The following FRMD5 variants were observed in gnomAD, a reference collection of about 807,000 sequenced individuals.
FRMD5 encodes the protein FERM domain containing 5, also known as FERM domain-containing protein 5.
A neutral mutation model predicts 69.0 loss-of-function variants in FRMD5; 20 were observed. The ratio of observed to expected loss-of-function variants is 0.29; its 90% CI spans 0.20 to 0.42. The LOEUF is 0.42. Ranked by LOEUF, FRMD5 falls within the 10% of genes least tolerant of loss-of-function variation. FRMD5 has a pLI of 1.00. For synonymous variants in FRMD5, 271 were observed against 260.1 expected, an observed-to-expected ratio of 1.04 and a Z score of -0.40; for missense variants, 595 against 708.6, an observed-to-expected ratio of 0.84 and a Z score of 1.82.
rs2078271489 is a variant in FRMD5, at chr15:44,195,234, C to G, written c.-180G>C. On this transcript the variant is annotated 5_prime_UTR_variant, in exon 1 of 14. Transcript: ENST00000417257. Reference sequence around the variant, plus strand: ...TTATCCTCCTCCTTCCCTCAGCCGCCACCGCCTCCCCCCAGCCCAGATCAA... The same window carrying G: ...TTATCCTCCTCCTTCCCTCAGCCGCGACCGCCTCCCCCCAGCCCAGATCAA... The G allele has an allele frequency of 1.8e-6, 1 of 544,356 alleles. No individual in the cohort carries two copies. The highest frequency in any genetic ancestry group is 3.7e-5 in the Admixed American group (1 of 27,266). 33.7% of individuals were successfully genotyped at this position (544,356 alleles called of 1,614,324 possible).
At chr15:44,022,780 GACACATGTGAAATGGA>G (rs1891267949) in intron 1 of FRMD5, among the ~76,000 whole-genome samples, 1 of 152,032 alleles carries the variant, frequency 6.6e-6, no homozygotes, top group Non-Finnish European at 1.5e-5. Context: ...CTTGCTCAGG[GACACATGTGAAATGGA>G]AGAGCCAGCC....
chr15:43,882,967 T>C (rs2088571219), intron 13 of FRMD5, among the ~76,000 whole-genome samples: 1 of 151,734 alleles, frequency 6.6e-6, no homozygotes, highest in Non-Finnish European at 1.5e-5. Flanking sequence ...GACCATGCCC[T>C]GCTAATTTTT....
At position 44,005,490 on chromosome 15, in the gene FRMD5, A is replaced by G. The variant is rs1052076121; in HGVS notation, c.103-81181T>C. Among the ~76,000 whole-genome samples the G allele has an allele frequency of 4.0e-5, 6 of 151,646 alleles. 1 individual carries two copies. The highest frequency in any genetic ancestry group is 1.9e-4 in the East Asian group (1 of 5,192). ...CCATCTCAAAAAAAAAAAAAAAAAA[A>G]AAAGAAAAAAGAAATATCTGAGAGT... On this transcript the variant is annotated intron_variant, in intron 1 of 13. Coordinates refer to ENST00000417257, the MANE Select transcript of FRMD5 (RefSeq NM_032892.5).
At chr15:44,140,804 G>A (rs1175614416) in intron 1 of FRMD5, among the ~76,000 whole-genome samples, 1 of 137,006 alleles carries the variant, frequency 7.3e-6, no homozygotes, top group African/African-American at 2.7e-5. Flanking sequence ...GGTCGCTTGG[G>A]CCCAGGAGAT....
In FRMD5 at chr15:44,076,281, C is replaced by G. The variant is rs201391651; in HGVS notation, c.102+118672G>C. Among the ~76,000 whole-genome samples the G allele has an allele frequency of 2.8e-4, 42 of 150,762 alleles. No individual in the cohort carries two copies. In the East Asian group the frequency reaches 7.6e-3, roughly 27 times the overall value. On this transcript the variant is annotated intron_variant, in intron 1 of 13. Coordinates refer to ENST00000417257, the MANE Select transcript of FRMD5 (RefSeq NM_032892.5). ...AGCCATCCCATTACTGGGTACATAC[C>G]CAAAGGACTATAAATCATGCTGCTA...
intron 1 of FRMD5, among the ~76,000 whole-genome samples, chr15:44,038,513 G>T (rs1174846406): frequency 1.3e-4 from 2 of 15,256 alleles, no homozygotes; most frequent in Non-Finnish European, 2.6e-4. Context: ...CATATGGCTA[G>T]CCAGAGCTTT....
At position 43,952,543 on chromosome 15, in the gene FRMD5, C is replaced by T. The variant is rs556042826; in HGVS notation, c.103-28234G>A. On this transcript the variant is annotated intron_variant, in intron 1 of 13. Coordinates refer to ENST00000417257, the MANE Select transcript of FRMD5 (RefSeq NM_032892.5). ...CTGCATTTTGGATAGTCTGGGAGCA[C>T]GGCCATCATGCAGAGGGAACGCTTG... is the stretch of plus-strand genomic sequence containing the variant. Among the ~76,000 whole-genome samples the T allele has an allele frequency of 6.0e-4, 91 of 152,318 alleles. No homozygotes were observed. In the South Asian group the frequency reaches 0.016, roughly 27 times the overall value.
chr15:43,879,234 A>G (rs2088456904), intron 13 of FRMD5, among the ~76,000 whole-genome samples: 1 of 152,002 alleles, frequency 6.6e-6, no homozygotes, highest in South Asian at 2.1e-4. Context: ...ACCACATCCA[A>G]TTAGATGTGC....
At chr15:44,193,839 C>T (rs1204832130) in intron 1 of FRMD5, among the ~76,000 whole-genome samples, 1 of 152,122 alleles carries the variant, frequency 6.6e-6, no homozygotes, top group Non-Finnish European at 1.5e-5. Context: ...AATAAGGAGG[C>T]GGGGGGCAAG....
At chr15:43,913,513 G>A (rs1010095795) in intron 4 of FRMD5, among the ~76,000 whole-genome samples, 2 of 152,234 alleles carry the variant, frequency 1.3e-5, no homozygotes, top group African/African-American at 2.4e-5. Flanking sequence ...GTGACTCAAT[G>A]TTGTTGGTGG....
chr15:44,011,059 A>G (rs1298726813), intron 1 of FRMD5, among the ~76,000 whole-genome samples: 3 of 152,018 alleles, frequency 2.0e-5, no homozygotes, highest in African/African-American at 7.2e-5. Flanking sequence ...GAGACAGAAC[A>G]TTTGGCTAGT....
intron 1 of FRMD5, among the ~76,000 whole-genome samples, chr15:44,154,839 C>A (rs2077501821): frequency 6.6e-6 from 1 of 152,090 alleles, no homozygotes; most frequent in East Asian, 1.9e-4. Context: ...AATAAAAATT[C>A]TCCAAAAATT....
intron 4 of FRMD5, among the ~76,000 whole-genome samples, chr15:43,917,566 G>A (rs2089414431): frequency 6.6e-6 from 1 of 151,948 alleles, no homozygotes; most frequent in Non-Finnish European, 1.5e-5. Flanking sequence ...TGTATTTTTA[G>A]TAGAGATGGG....
At chr15:43,889,946 G>A (rs1595485722) in intron 8 of FRMD5, among the ~76,000 whole-genome samples, 2 of 152,154 alleles carry the variant, frequency 1.3e-5, no homozygotes, top group African/African-American at 2.4e-5. Flanking sequence ...GAAAGGTAGC[G>A]AGAATCATGT....
intron 1 of FRMD5, among the ~76,000 whole-genome samples, 165 bp from the exon 2 acceptor site, chr15:43,924,474 G>A (rs1482448444): frequency 6.6e-6 from 1 of 152,008 alleles, no homozygotes; most frequent in Non-Finnish European, 1.5e-5. Flanking sequence ...CTCACTGTCT[G>A]GAATCCAGAG....
In FRMD5 at chr15:44,125,115, G is replaced by A. The variant is rs150030673; in HGVS notation, c.102+69838C>T. 2.0e-4 allele frequency among the ~76,000 whole-genome samples: 30 copies of A among 152,262 alleles called. No individual in the cohort carries two copies. In the East Asian group the frequency reaches 5.6e-3, roughly 28 times the overall value. On this transcript the variant is annotated intron_variant, in intron 1 of 13. Coordinates refer to ENST00000417257, the MANE Select transcript of FRMD5 (RefSeq NM_032892.5). ...GGTTGTCAATAAGAATGTTGTGCAA[G>A]TCAAAATCAAAACCTTACTAAAACT...
intron 1 of FRMD5, among the ~76,000 whole-genome samples, chr15:44,041,571 A>G (rs1011549736): frequency 3.3e-5 from 5 of 152,216 alleles, no homozygotes; most frequent in Non-Finnish European, 7.3e-5. Context: ...AGAAATCATA[A>G]CAAACAGTCT....
At position 44,054,398 on chromosome 15, in the gene FRMD5, G is replaced by A. The variant is rs974225006; in HGVS notation, c.103-130089C>T. Among the ~76,000 whole-genome samples the A allele has an allele frequency of 1.6e-4, 24 of 152,170 alleles. 1 individual carries two copies. The South Asian group carries it at 3.1e-3, about 20-fold the overall frequency. On this transcript the variant is annotated intron_variant, in intron 1 of 13. Transcript: ENST00000417257. The stretch of plus-strand genomic sequence containing the variant: ...TTACAACCATAAAAGTCCCAAACCC[G>A]CCAGATTTTACTAGAGTCTCTTCAA...
At chr15:43,921,076 T>A (rs2089485409) in intron 2 of FRMD5, among the ~76,000 whole-genome samples, 1 of 152,194 alleles carries the variant, frequency 6.6e-6, no homozygotes, top group Non-Finnish European at 1.5e-5. Context: ...TTATAGCCAC[T>A]CAATGTGGTT....
Sources: gnomAD v4.1 joint callset for allele counts (sites outside exome capture counted in the v4.1 genomes callset) on GRCh38, gnomAD v4.1.1 for gene constraint, MANE v1.5 for transcripts, NCBI Gene and HGNC (gene_info 2026-07-23, HGNC 2026-07-21) for gene names.